The following LPIN1 variants were observed in gnomAD, a reference collection of about 807,000 sequenced individuals.
The protein encoded by LPIN1 is lipin 1.
A neutral mutation model predicts 107.5 loss-of-function variants in LPIN1; 71 were observed. The observed-to-expected ratio is 0.66, with a 90% CI of 0.55 to 0.80. The LOEUF (loss-of-function observed/expected upper bound fraction) is 0.80, where lower values mean the gene tolerates loss of function less well. LPIN1 is among the 30% of genes least tolerant of loss of function. The pLI, the probability that LPIN1 is intolerant of heterozygous loss-of-function variation, is 0.00. For missense variants in LPIN1, 1,043 were observed against 1,160.6 expected (o/e 0.90, Z 1.47); for synonymous variants, 445 against 452.6 (o/e 0.98, Z 0.21).
intron 11 of LPIN1, among the ~76,000 whole-genome samples, chr2:11,787,398 C>CTTTTTTTTTTTTTTT (rs1205272301): frequency 1.2e-4 from 8 of 64,552 alleles, no homozygotes; most frequent in Non-Finnish European, 1.7e-4. Context: ...TTTTCTTTTT[C>CTTTTTTTTTTTTTTT]TTTTTTTTTT....
At chr2:11,706,951 G>C (rs762167886) in intron 1 of LPIN1, among the ~76,000 whole-genome samples, 2 of 152,130 alleles carry the variant, frequency 1.3e-5, no homozygotes, top group Admixed American at 6.5e-5. Context: ...GGGCCAAAAA[G>C]AGCTCTTCCT....
chr2:11,702,166 G>C (rs1662906251), intron 1 of LPIN1, among the ~76,000 whole-genome samples: 1 of 152,202 alleles, frequency 6.6e-6, no homozygotes, highest in Admixed American at 6.5e-5. Flanking sequence ...GGAAGCACTG[G>C]GTTGGTCACG....
chr2:11,783,333 C>G (rs181001692), intron 8 of LPIN1, among the ~76,000 whole-genome samples: 1 of 152,104 alleles, frequency 6.6e-6, no homozygotes, highest in African/African-American at 2.4e-5. Flanking sequence ...AGCCTCAATG[C>G]GTTTAGTGCT....
At position 11,797,073 on chromosome 2, in the gene LPIN1, C is replaced by T. The variant is rs79737524; in HGVS notation, c.1886+1586C>T. Among the ~76,000 whole-genome samples the T allele has an allele frequency of 2.6e-3, 398 of 152,326 alleles. 1 individual carries two copies. Among genetic ancestry groups the T allele is most frequent in the African/African-American group, 9.1e-3 (379 of 41,574 alleles). ...CACACACAACAAAGATGCGAAACTG[C>T]GTGCTCTCAGCAACTTAAACCAACT... On this transcript the variant is annotated intron_variant, in intron 14 of 20. Coordinates refer to ENST00000674199, the MANE Select transcript of LPIN1 (RefSeq NM_001349206.2).
intron 7 of LPIN1, among the ~76,000 whole-genome samples, chr2:11,779,914 T>G (rs1349002509): frequency 5.3e-5 from 8 of 151,784 alleles, no homozygotes; most frequent in African/African-American, 1.9e-4. Flanking sequence ...AGAGTCTCAC[T>G]CTGTCACCCG....
At chr2:11,784,858 C>A in intron 9 of LPIN1, 28 bp from the exon 10 acceptor site, 1 of 1,611,438 alleles carries the variant, frequency 6.2e-7, no homozygotes, top group East Asian at 2.2e-5. Context: ...AGTCCTCAGC[C>A]GGTCTCTGCC....
chr2:11,803,166 T>C lies in LPIN1; in HGVS notation c.2013+133T>C. 8.1e-7 allele frequency: 1 copy of C among 1,236,090 alleles called. No homozygotes were observed. The highest frequency in any genetic ancestry group is 1.2e-6 in the Non-Finnish European group (1 of 854,582). The allele number at this position is 1,236,090 out of a possible 1,614,324, so 76.6% of individuals were successfully genotyped here. A position where few individuals can be genotyped will look rare whatever the true frequency, so the allele number is the denominator to read the frequency against. On this transcript the variant is annotated intron_variant, in intron 15 of 20. Coordinates refer to ENST00000674199, the MANE Select transcript of LPIN1 (RefSeq NM_001349206.2). This position sits in a 1 kb window ranked among gnomAD's most constrained non-coding sequence, Gnocchi z 4.2. ...CCCAGGGGGCCTGCAATCCCTCAACTGGGTACCCGCTGTTTCCACCCCAAC... is the reference window on the plus strand; with the variant it reads ...CCCAGGGGGCCTGCAATCCCTCAACCGGGTACCCGCTGTTTCCACCCCAAC...
intron 1 of LPIN1, among the ~76,000 whole-genome samples, chr2:11,732,532 A>C (rs1665337861): frequency 6.6e-6 from 1 of 152,192 alleles, no homozygotes; most frequent in Non-Finnish European, 1.5e-5. Context: ...TTACCTAATG[A>C]AGTTGCTGTA....
chr2:11,732,927 G>C (rs1665398560), intron 1 of LPIN1, among the ~76,000 whole-genome samples: 1 of 151,702 alleles, frequency 6.6e-6, no homozygotes, highest in South Asian at 2.1e-4. Flanking sequence ...GTGTGTGTGT[G>C]TGTGTGTTTG....
chr2:11,792,574 G>A (rs1380753775), intron 13 of LPIN1, among the ~76,000 whole-genome samples: 2 of 152,048 alleles, frequency 1.3e-5, no homozygotes, highest in Non-Finnish European at 2.9e-5. Context: ...GTGGAGACGG[G>A]GTTTTGCCAT....
chr2:11,779,528 T>C lies in LPIN1; in HGVS notation c.840T>C (p.Gly280=). The C allele has an allele frequency of 6.2e-7, 1 of 1,613,578 alleles. No homozygotes were observed. Among genetic ancestry groups the C allele is most frequent in the South Asian group, 1.1e-5 (1 of 91,066 alleles). Residue 280 remains glycine, a synonymous_variant, in exon 7 of 21, where the codon GGT becomes GGC. Coordinates refer to ENST00000674199, the MANE Select transcript of LPIN1 (RefSeq NM_001349206.2). ...TTGTGTTTTCCTTAAGTCCTTCCGG[T>C]TCCCGACCTTCAACACCTAAAAGTG... ...SLFHPSESPS[G]SRPSTPKSDS... is the part of the protein sequence containing the mutation.
At chr2:11,692,841 C>A (rs185503273) in intron 1 of LPIN1, among the ~76,000 whole-genome samples, 188 of 152,316 alleles carry the variant, frequency 1.2e-3, no homozygotes, top group African/African-American at 4.4e-3. Context: ...AGATATCAGG[C>A]CTATCCTCTT....
intron 6 of LPIN1, 61 bp downstream of exon 6, chr2:11,776,254 T>A: frequency 2.8e-6 from 3 of 1,063,510 alleles, no homozygotes; most frequent in Non-Finnish European, 4.1e-6. Flanking sequence ...ATCTAACTCT[T>A]ACTATAAGTC....
intron 19 of LPIN1, among the ~76,000 whole-genome samples, chr2:11,820,075 G>A (rs1681254444): frequency 6.6e-6 from 1 of 152,196 alleles, no homozygotes. Flanking sequence ...GGTACTAACT[G>A]CTCCATCAGA....
At chr2:11,727,386 TTTC>T (rs1420228299) in intron 1 of LPIN1, among the ~76,000 whole-genome samples, 3 of 152,314 alleles carry the variant, frequency 2.0e-5, no homozygotes, top group African/African-American at 7.2e-5. Context: ...TGCTCGCTTG[TTTC>T]TTTTCTTTAC....
At chr2:11,769,827 T>C (rs1195249363) in intron 3 of LPIN1, among the ~76,000 whole-genome samples, 3 of 152,194 alleles carry the variant, frequency 2.0e-5, no homozygotes, top group African/African-American at 7.2e-5. Context: ...CTAGTTCCTT[T>C]CCAGGAAGAC....
At chr2:11,821,383 G>T (rs1357912441) in intron 20 of LPIN1, among the ~76,000 whole-genome samples, 1 of 152,170 alleles carries the variant, frequency 6.6e-6, no homozygotes, top group Non-Finnish European at 1.5e-5. Context: ...CAGGTGTGGT[G>T]GTGCATGCCT....
At chr2:11,691,658 G>A (rs1662279500) in intron 1 of LPIN1, among the ~76,000 whole-genome samples, 1 of 152,210 alleles carries the variant, frequency 6.6e-6, no homozygotes, top group African/African-American at 2.4e-5. Context: ...GCTTGGATCA[G>A]AGGGGGTGAT....
At chr2:11,747,128 C>T (rs1048650243) in intron 1 of LPIN1, among the ~76,000 whole-genome samples, 2 of 152,214 alleles carry the variant, frequency 1.3e-5, no homozygotes, top group African/African-American at 4.8e-5. Context: ...AGGATTCCAG[C>T]GCTGCAGTTG....
Sources: allele counts gnomAD v4.1 joint callset (sites outside exome capture counted in the v4.1 genomes callset), GRCh38; gene constraint gnomAD v4.1.1; non-coding constraint Gnocchi (gnomAD v3.1); transcripts MANE v1.5; gene names NCBI Gene and HGNC (gene_info 2026-07-23, HGNC 2026-07-21).